The following TRMT11 variants were observed in gnomAD, a reference collection of about 807,000 sequenced individuals.
TRMT11 encodes the protein tRNA (guanine(10)-N(2))-methyltransferase TRMT11.
Under a neutral mutation model 62.8 loss-of-function variants are expected in TRMT11, and 53 were observed. The ratio of observed to expected loss-of-function variants is 0.84; its 90% CI spans 0.68 to 1.06. The LOEUF (loss-of-function observed/expected upper bound fraction) is 1.06. Ranked by LOEUF, TRMT11 falls within the 50% of genes least tolerant of loss-of-function variation. TRMT11 has a pLI of 0.00. For missense variants in TRMT11, 556 were observed against 553.4 expected, an observed-to-expected ratio of 1.00 and a Z score of -0.05; for synonymous variants, 188 against 190.3, an observed-to-expected ratio of 0.99 and a Z score of 0.10.
At chr6:126,127,459 T>C (rs1268772599) in intron 21 of TRMT11, among the ~76,000 whole-genome samples, 3 of 152,122 alleles carry the variant, frequency 2.0e-5, no homozygotes, top group Non-Finnish European at 4.4e-5. Context: ...TCTTTCTCTT[T>C]TTTATTTAAA....
intron 17 of TRMT11, among the ~76,000 whole-genome samples, chr6:126,065,409 G>A (rs1011016649): frequency 1.1e-4 from 16 of 151,898 alleles, no homozygotes; most frequent in Non-Finnish European, 1.6e-4. Context: ...TACCCTCTTC[G>A]TGTTTCACTC....
chr6:126,248,801 A>G, the TRMT11 span, among the ~76,000 whole-genome samples: 9 of 152,152 alleles, frequency 5.9e-5, no homozygotes, highest in Non-Finnish European at 8.8e-5. Context: ...AACAGTAGCA[A>G]TAAGTAAAAT....
chr6:126,106,753 G>A (rs189595304), intron 17 of TRMT11, among the ~76,000 whole-genome samples: 1 of 152,200 alleles, frequency 6.6e-6, no homozygotes, highest in Admixed American at 6.6e-5. Context: ...TCCATATAAA[G>A]AGCTTAGCCC....
chr6:126,229,378 C>A, the TRMT11 span, among the ~76,000 whole-genome samples: 1 of 152,176 alleles, frequency 6.6e-6, no homozygotes, highest in African/African-American at 2.4e-5. Flanking sequence ...GTGACTCATA[C>A]TCATTGTTGG....
intron 21 of TRMT11, among the ~76,000 whole-genome samples, chr6:126,119,218 A>G (rs1038703998): frequency 6.6e-6 from 1 of 152,170 alleles, no homozygotes; most frequent in Non-Finnish European, 1.5e-5. Flanking sequence ...CTCCCTAAAC[A>G]GAGGCTTGTC....
intron 12 of TRMT11, among the ~76,000 whole-genome samples, chr6:126,038,165 G>C (rs1177613801): frequency 2.0e-5 from 3 of 151,996 alleles, no homozygotes; most frequent in Non-Finnish European, 4.4e-5. Flanking sequence ...TGTTTAGCCT[G>C]TATCTTCATC....
chr6:126,042,228 G>T (rs1775900421), downstream of TRMT11, among the ~76,000 whole-genome samples: 3 of 152,132 alleles, frequency 2.0e-5, no homozygotes. Context: ...TCTATCCTTT[G>T]GGGTGAAAAA....
chr6:125,993,924 C>T (rs1250208173), intron 2 of TRMT11, 102 bp downstream of exon 2: 1 of 639,454 alleles, frequency 1.6e-6, no homozygotes, highest in Non-Finnish European at 2.6e-6. Context: ...TGTATGGTTA[C>T]TTGTATCTGT....
chr6:126,095,744 A>G lies in TRMT11; in HGVS notation c.*1438-17122A>G, dbSNP rs2128172997. On this transcript the variant is annotated intron_variant and NMD_transcript_variant, in intron 17 of 22. Transcript: ENST00000648977. ...TGAACAGAATGTAATGGAAGCAACT[A>G]ACTATGCTGGGCCCAGGTCTAAGTG... is the stretch of plus-strand genomic sequence containing the variant. Among the ~76,000 whole-genome samples, 3 of 152,306 alleles carry G rather than the reference A, an allele frequency of 2.0e-5. No homozygotes were observed. In the South Asian group the frequency reaches 6.2e-4, roughly 32 times the overall value.
chr6:126,150,873 G>A (rs1157233301), intron 21 of TRMT11, among the ~76,000 whole-genome samples: 3 of 152,148 alleles, frequency 2.0e-5, no homozygotes, highest in Non-Finnish European at 4.4e-5. Flanking sequence ...CTGAGTGATG[G>A]TTGCCTTACA....
intron 21 of TRMT11, among the ~76,000 whole-genome samples, chr6:126,141,797 G>A (rs748531396): frequency 3.3e-5 from 5 of 152,002 alleles, no homozygotes; most frequent in Admixed American, 6.6e-5. Context: ...TATTCTAAGC[G>A]TAAGTGAAGT....
At chr6:126,146,228 G>T (rs1185102951) in intron 21 of TRMT11, among the ~76,000 whole-genome samples, 1 of 152,128 alleles carries the variant, frequency 6.6e-6, no homozygotes. Flanking sequence ...CTTGTTTTAT[G>T]AATTCAGTCT....
At chr6:126,061,272 A>C (rs150725086) in intron 17 of TRMT11, among the ~76,000 whole-genome samples, 1 of 152,234 alleles carries the variant, frequency 6.6e-6, no homozygotes. Flanking sequence ...TGGATGTTAC[A>C]ATCTGGGAAA....
intron 8 of TRMT11, among the ~76,000 whole-genome samples, chr6:126,010,609 C>T (rs572118076): frequency 6.6e-6 from 1 of 152,038 alleles, no homozygotes; most frequent in Non-Finnish European, 1.5e-5. Context: ...CACTGCGTAT[C>T]TTTTTCTGAA....
At chr6:126,065,934 T>G (rs1776677029) in intron 17 of TRMT11, among the ~76,000 whole-genome samples, 1 of 152,196 alleles carries the variant, frequency 6.6e-6, no homozygotes, top group Admixed American at 6.5e-5. Flanking sequence ...CTGAGACAGA[T>G]GCTCAGACTA....
chr6:126,251,179 C>T, the TRMT11 span, among the ~76,000 whole-genome samples: 2 of 151,680 alleles, frequency 1.3e-5, no homozygotes, highest in Admixed American at 6.6e-5. Context: ...TACAGGTGCC[C>T]GCCACTGTGC....
the TRMT11 span, among the ~76,000 whole-genome samples, chr6:126,253,687 G>A: frequency 1.3e-5 from 2 of 152,126 alleles, no homozygotes; most frequent in African/African-American, 4.8e-5. Context: ...GTCTGTTGTT[G>A]ACTGAAATGT....
the TRMT11 span, among the ~76,000 whole-genome samples, chr6:126,235,876 A>T: frequency 6.6e-6 from 1 of 152,342 alleles, no homozygotes; most frequent in Admixed American, 6.5e-5. Flanking sequence ...TTGGAAATAA[A>T]AAAACAGAAA....
rs1583874967 is a variant in TRMT11 at position 126,101,191 on chromosome 6, G to A, written c.*1438-11675G>A. On this transcript the variant is annotated intron_variant and NMD_transcript_variant, in intron 17 of 22. Coordinates refer to the TRMT11 transcript ENST00000648977. ...GTAGAGAACCCTTGTTATTCAACAT[G>A]GAGACTCCTACAAAGCTGATGAAGT... is the stretch of plus-strand genomic sequence containing the variant. Among the ~76,000 whole-genome samples the A allele has an allele frequency of 2.6e-5, 4 of 152,112 alleles. No individual in the cohort carries two copies. In the South Asian group the frequency reaches 8.3e-4, roughly 32 times the overall value.
Sources: allele counts gnomAD v4.1 joint callset (sites outside exome capture counted in the v4.1 genomes callset), GRCh38; gene constraint gnomAD v4.1.1; transcripts MANE v1.5; gene names NCBI Gene and HGNC (gene_info 2026-07-23, HGNC 2026-07-21).